ERI3: variants seen among roughly 807,000 people sequenced by gnomAD.
ERI3 encodes the protein ERI1 exoribonuclease family member 3, also known as ERI1 exoribonuclease 3.
Under a neutral mutation model 44.4 loss-of-function variants are expected in ERI3, and 18 were observed. The ratio of observed to expected loss-of-function variants is 0.41; its 90% CI spans 0.28 to 0.60. The LOEUF (loss-of-function observed/expected upper bound fraction) is 0.60, where lower values mean the gene tolerates loss of function less well. ERI3 is among the 20% of genes least tolerant of loss of function. ERI3 has a pLI of 0.36. For synonymous variants in ERI3, 183 were observed against 164.8 expected (o/e 1.11, Z -0.84); for missense variants, 294 against 435.5 (o/e 0.68, Z 2.89).
At chr1:44,257,739 C>T (rs1399229141) in intron 7 of ERI3, among the ~76,000 whole-genome samples, 1 of 152,192 alleles carries the variant, frequency 6.6e-6, no homozygotes, top group Non-Finnish European at 1.5e-5. Flanking sequence ...AGCCCTCTGA[C>T]AGCTCCTAAC....
chr1:44,343,439 A>T (rs572040395), intron 2 of ERI3, among the ~76,000 whole-genome samples: 13 of 152,212 alleles, frequency 8.5e-5, no homozygotes, highest in Non-Finnish European at 1.8e-4. Context: ...ACACGACGAG[A>T]AGAACAAAGC....
At chr1:44,331,155 A>G in intron 3 of ERI3, among the ~76,000 whole-genome samples, 1 of 152,002 alleles carries the variant, frequency 6.6e-6, no homozygotes, top group East Asian at 1.9e-4. Context: ...CAATCTCCAC[A>G]TTACCCAGAC....
chr1:44,345,304 A>G (rs973290060), intron 2 of ERI3, among the ~76,000 whole-genome samples: 1 of 152,214 alleles, frequency 6.6e-6, no homozygotes, highest in Non-Finnish European at 1.5e-5. Context: ...CCACTGTGAA[A>G]CAGGTGGTCT....
At chr1:44,310,965 A>ACGCGCGCG (rs1211817457) in intron 5 of ERI3, among the ~76,000 whole-genome samples, 3 of 49,718 alleles carry the variant, frequency 6.0e-5, no homozygotes, top group African/African-American at 1.6e-4. Flanking sequence ...GCGCGCGCGC[A>ACGCGCGCG]CACACACACA....
At chr1:44,299,042 C>A (rs930462037) in intron 6 of ERI3, among the ~76,000 whole-genome samples, 1 of 152,028 alleles carries the variant, frequency 6.6e-6, no homozygotes, top group African/African-American at 2.4e-5. Flanking sequence ...GGAAGAGGCA[C>A]GAGGGAACTT....
intron 5 of ERI3, among the ~76,000 whole-genome samples, chr1:44,312,609 T>G (rs1209251610): frequency 2.0e-5 from 3 of 152,224 alleles, no homozygotes; most frequent in Non-Finnish European, 4.4e-5. Flanking sequence ...ATTATTCTGA[T>G]TAGGAATCAT....
intron 7 of ERI3, among the ~76,000 whole-genome samples, chr1:44,266,894 T>A (rs552564332): frequency 2.6e-5 from 4 of 152,322 alleles, no homozygotes; most frequent in African/African-American, 9.6e-5. Context: ...TTAATTCCCT[T>A]CCCTCTCATA....
intron 8 of ERI3, among the ~76,000 whole-genome samples, chr1:44,245,410 T>C (rs1644534782): frequency 6.6e-6 from 1 of 152,168 alleles, no homozygotes; most frequent in Non-Finnish European, 1.5e-5. Context: ...CCGCTGGTGC[T>C]GGCAACAGAG....
At chr1:44,260,240 G>C (rs1205890296) in intron 7 of ERI3, among the ~76,000 whole-genome samples, 1 of 152,218 alleles carries the variant, frequency 6.6e-6, no homozygotes, top group Non-Finnish European at 1.5e-5. Context: ...AGTGAGTGGA[G>C]AGACCCACAG....
chr1:44,251,972 C>A (rs1644689817), intron 7 of ERI3, among the ~76,000 whole-genome samples: 1 of 152,230 alleles, frequency 6.6e-6, no homozygotes, highest in African/African-American at 2.4e-5. Flanking sequence ...TCTCCAAGAG[C>A]TTGTGCCCGA....
intron 8 of ERI3, among the ~76,000 whole-genome samples, chr1:44,227,090 G>A (rs548076680): frequency 6.6e-6 from 1 of 152,266 alleles, no homozygotes; most frequent in African/African-American, 2.4e-5. Flanking sequence ...CAAACTGGGG[G>A]AACAGGAGGG....
intron 6 of ERI3, among the ~76,000 whole-genome samples, chr1:44,294,558 T>A (rs116600702): frequency 0.013 from 1,974 of 152,306 alleles, 53 homozygotes; most frequent in African/African-American, 0.045. Flanking sequence ...GTCCTTTCCA[T>A]GGCAACTCAT....
intron 8 of ERI3, among the ~76,000 whole-genome samples, chr1:44,231,094 A>G (rs1407374113): frequency 6.6e-6 from 1 of 152,230 alleles, no homozygotes; most frequent in Non-Finnish European, 1.5e-5. Context: ...CTTTATGCAC[A>G]TACCCTGAAG....
chr1:44,340,964 C>G (rs1646640735), intron 2 of ERI3, among the ~76,000 whole-genome samples: 1 of 152,182 alleles, frequency 6.6e-6, no homozygotes, highest in Admixed American at 6.5e-5. Flanking sequence ...ATGGAAGACA[C>G]CAGTCTGCTC....
intron 7 of ERI3, among the ~76,000 whole-genome samples, chr1:44,263,749 C>T (rs1369589458): frequency 2.0e-5 from 3 of 152,186 alleles, no homozygotes; most frequent in Non-Finnish European, 2.9e-5. Flanking sequence ...TATTGCCAAA[C>T]CTCACCCAAC....
intron 1 of ERI3, chr1:44,354,405 G>A (rs1646955118): frequency 1.0e-6 from 1 of 985,438 alleles, no homozygotes; most frequent in East Asian, 1.1e-4. Context: ...AGAACTCGCA[G>A]TCAAGCCTCA....
chr1:44,284,941 C>G, intron 6 of ERI3, 34 bp from the exon 7 acceptor site: 1 of 1,572,658 alleles, frequency 6.4e-7, no homozygotes, highest in Non-Finnish European at 8.8e-7. Context: ...ACAAGTTGGG[C>G]GCATCCATGT....
chr1:44,311,243 A>C (rs1466409573), intron 5 of ERI3, among the ~76,000 whole-genome samples: 1 of 152,158 alleles, frequency 6.6e-6, no homozygotes, highest in East Asian at 1.9e-4. Context: ...CCCTTATCAC[A>C]GGAAGCACTC....
intron 8 of ERI3, among the ~76,000 whole-genome samples, chr1:44,234,243 C>T (rs1466627233): frequency 1.3e-5 from 2 of 152,100 alleles, no homozygotes; most frequent in African/African-American, 4.8e-5. Flanking sequence ...ATTTCTAAGC[C>T]CATGTTCCCA....
Sources: gnomAD v4.1 joint callset for allele counts (sites outside exome capture counted in the v4.1 genomes callset) on GRCh38, gnomAD v4.1.1 for gene constraint, MANE v1.5 for transcripts, NCBI Gene and HGNC (gene_info 2026-07-23, HGNC 2026-07-21) for gene names.